PIAS1: variants seen among roughly 807,000 people sequenced by gnomAD.
PIAS1 encodes E3 SUMO-protein ligase PIAS1.
A neutral mutation model predicts 71.3 loss-of-function variants in PIAS1; 6 were observed. The ratio of observed to expected loss-of-function variants is 0.08; its 90% CI spans 0.05 to 0.17. The LOEUF (loss-of-function observed/expected upper bound fraction) is 0.17. PIAS1 is among the 10% of genes least tolerant of loss of function. The probability of loss-of-function intolerance (pLI) is 1.00; values close to 1 mark genes in which losing one functional copy is unlikely to be tolerated. For missense variants in PIAS1, 555 were observed against 793.6 expected (o/e 0.70, Z 3.61); for synonymous variants, 303 against 292.9 (o/e 1.03, Z -0.35).
chr15:68,155,984 T>C (rs2092886074), intron 7 of PIAS1, among the ~76,000 whole-genome samples: 1 of 152,220 alleles, frequency 6.6e-6, no homozygotes, highest in Non-Finnish European at 1.5e-5. Context: ...CATAATTACT[T>C]TTTTAGCTTA....
At chr15:68,117,138 A>G (rs1018310977) in intron 2 of PIAS1, among the ~76,000 whole-genome samples, 3 of 152,008 alleles carry the variant, frequency 2.0e-5, no homozygotes, top group African/African-American at 7.3e-5. Flanking sequence ...CCCAGGCTGG[A>G]GTACAGTGGC....
chr15:68,181,249 C>T lies in PIAS1; in HGVS notation c.1519C>T (p.Arg507Cys), dbSNP rs756966062. The T allele has an allele frequency of 3.7e-6, 6 of 1,613,250 alleles. No homozygotes were observed. Among genetic ancestry groups the T allele is most frequent in the African/African-American group, 2.7e-5 (2 of 74,860 alleles). The change falls in exon 12 of 14, where the codon CGC becomes TGC. Residue 507 changes from arginine (R) to cysteine (C), a missense_variant. Around this residue, in one of 5 missense-constraint regions of PIAS1, gnomAD observed 244 missense variants for 307.5 expected, o/e 0.79. Coordinates refer to ENST00000249636, the MANE Select transcript of PIAS1 (RefSeq NM_016166.3). ...SLPHQASPVS[R>C]TPSLPAVDTS... ...TCCACATCAAGCATCTCCAGTATCC[C>T]GCACCCCAAGCCTTCCTGCTGTAGA...
chr15:68,076,654 T>C (rs1360478611), intron 1 of PIAS1, among the ~76,000 whole-genome samples: 3 of 152,092 alleles, frequency 2.0e-5, no homozygotes, highest in Non-Finnish European at 4.4e-5. Context: ...CCCTAGAGAG[T>C]TGACACTGTC....
chr15:68,088,617 A>G (rs1033102984), intron 2 of PIAS1, among the ~76,000 whole-genome samples: 1 of 152,132 alleles, frequency 6.6e-6, no homozygotes, highest in African/African-American at 2.4e-5. Context: ...GCATAAAAAG[A>G]TCTCACCACA....
At chr15:68,101,906 G>A (rs564802072) in intron 2 of PIAS1, among the ~76,000 whole-genome samples, 5 of 152,028 alleles carry the variant, frequency 3.3e-5, no homozygotes, top group East Asian at 3.9e-4. Context: ...GTGTGCCATC[G>A]CGCCCAACTA....
intron 12 of PIAS1, among the ~76,000 whole-genome samples, chr15:68,182,194 TGTC>T (rs2093057210): frequency 6.6e-6 from 1 of 152,184 alleles, no homozygotes; most frequent in South Asian, 2.1e-4. Flanking sequence ...CTGTTTGAAA[TGTC>T]AGTATACTCA....
At chr15:68,098,500 C>G (rs909496642) in intron 2 of PIAS1, among the ~76,000 whole-genome samples, 7 of 152,130 alleles carry the variant, frequency 4.6e-5, no homozygotes, top group Non-Finnish European at 8.8e-5. Context: ...CAGTTAAAAT[C>G]TGTGTTGTTC....
At chr15:68,057,563 A>G (rs1313984057) in intron 1 of PIAS1, 1 of 416,626 alleles carries the variant, frequency 2.4e-6, no homozygotes, top group Non-Finnish European at 4.7e-6. Flanking sequence ...CCATAATTAT[A>G]AAAGTTACTA....
At chr15:68,165,958 A>T (rs1033317072) in intron 8 of PIAS1, among the ~76,000 whole-genome samples, 1 of 152,152 alleles carries the variant, frequency 6.6e-6, no homozygotes, top group African/African-American at 2.4e-5. Context: ...TCAGATGATG[A>T]TGAAGTTACT....
In PIAS1 at chr15:68,078,828, T is replaced by C. The variant is rs74878760; in HGVS notation, c.25-7478T>C. Among the ~76,000 whole-genome samples, 900 of 152,342 alleles carry C rather than the reference T, an allele frequency of 5.9e-3. 7 individuals are homozygous for C. The highest frequency in any genetic ancestry group is 9.4e-3 in the Non-Finnish European group (640 of 68,020). ...GTACATTATAAGTATTTAATACATATTATGTTTTGTCATTTTTAGTCTGTC... is the reference window on the plus strand; with the variant it reads ...GTACATTATAAGTATTTAATACATACTATGTTTTGTCATTTTTAGTCTGTC... On this transcript the variant is annotated intron_variant, in intron 1 of 13. Coordinates refer to ENST00000249636, the MANE Select transcript of PIAS1 (RefSeq NM_016166.3).
chr15:68,103,813 C>T (rs1024221511), intron 2 of PIAS1, among the ~76,000 whole-genome samples: 2 of 152,078 alleles, frequency 1.3e-5, no homozygotes, highest in African/African-American at 2.4e-5. Flanking sequence ...AGTAATATTC[C>T]GTTATATGGA....
At chr15:68,151,809 G>A (rs368689225) in intron 6 of PIAS1, among the ~76,000 whole-genome samples, 10 of 151,340 alleles carry the variant, frequency 6.6e-5, no homozygotes, top group African/African-American at 1.5e-4. Flanking sequence ...GCAGGGAGCC[G>A]AGATTGCGCC....
intron 1 of PIAS1, among the ~76,000 whole-genome samples, chr15:68,065,576 A>G (rs2092008999): frequency 7.0e-6 from 1 of 143,030 alleles, no homozygotes; most frequent in Non-Finnish European, 1.5e-5. Flanking sequence ...ACAGAGTGAG[A>G]CCCTGTCTCG....
chr15:68,102,964 G>A (rs1206593349), intron 2 of PIAS1, among the ~76,000 whole-genome samples: 1 of 151,510 alleles, frequency 6.6e-6, no homozygotes, highest in African/African-American at 2.4e-5. Context: ...GTCTCATTCT[G>A]TTGCCCAGGC....
In PIAS1 at chr15:68,086,162, A is replaced by G. The variant is rs191336369; in HGVS notation, c.25-144A>G. The G allele has an allele frequency of 1.4e-3, 820 of 566,236 alleles. 4 individuals carry two copies. The highest frequency in any genetic ancestry group is 4.7e-3 in the South Asian group (170 of 35,806). The allele number at this position is 566,236 out of a possible 1,614,324, so 35.1% of individuals were successfully genotyped here. ...ACTTAACGTTAAATGATTAAATTTG[A>G]AGTTTGAAATAATAGGATTATAAGT... On this transcript the variant is annotated intron_variant, in intron 1 of 13. Coordinates refer to ENST00000249636, the MANE Select transcript of PIAS1 (RefSeq NM_016166.3). The surrounding 1 kb of genome is among the most constrained non-coding windows in gnomAD (Gnocchi z 7.2).
chr15:68,151,181 G>GT lies in PIAS1; in HGVS notation c.829-2401dup, dbSNP rs199594709. On this transcript the variant is annotated intron_variant, in intron 6 of 13. Transcript: ENST00000249636. ...TCTGTCACTATTAAGCTTTGGTGGG[G>GT]TTTTTTTTGCTGCTGAACCTCTTTC... 2.9e-3 allele frequency among the ~76,000 whole-genome samples: 443 copies of GT among 151,540 alleles called. 6 individuals are homozygous for GT. The East Asian group carries it at 0.036, about 12-fold the overall frequency.
chr15:68,140,065 C>T (rs1379336233), intron 2 of PIAS1, among the ~76,000 whole-genome samples: 1 of 152,088 alleles, frequency 6.6e-6, no homozygotes, highest in Admixed American at 6.5e-5. Flanking sequence ...TCTAGATAAA[C>T]AGTAGCAACC....
chr15:68,056,376 TGA>T (rs2091896378), intron 1 of PIAS1, among the ~76,000 whole-genome samples: 1 of 152,216 alleles, frequency 6.6e-6, no homozygotes, highest in South Asian at 2.1e-4. Flanking sequence ...ATCCCTGGTG[TGA>T]GTCTTGTTAG....
rs1446778187 is a variant in PIAS1, at chr15:68,173,160, G to A, written c.1009-572G>A. 6.6e-6 allele frequency among the ~76,000 whole-genome samples: 1 copy of A among 152,136 alleles called. No homozygotes were observed. Among genetic ancestry groups the A allele is most frequent in the Non-Finnish European group, 1.5e-5 (1 of 68,022 alleles). On this transcript the variant is annotated intron_variant, in intron 8 of 13. Transcript: ENST00000249636. This position sits in a 1 kb window ranked among gnomAD's most constrained non-coding sequence, Gnocchi z 4.3. ...ATTTTCCCTAATCCCTAGTAAGGTG[G>A]TTCTTAAATTTTTTTTGGATCAAGG...
Sources: gnomAD v4.1 joint callset for allele counts (sites outside exome capture counted in the v4.1 genomes callset) on GRCh38, gnomAD v4.1.1 for gene constraint, gnomAD v4.1.1 regional missense constraint, Gnocchi (gnomAD v3.1) non-coding constraint, MANE v1.5 for transcripts, NCBI Gene and HGNC (gene_info 2026-07-23, HGNC 2026-07-21) for gene names.